HECW2: variants seen among roughly 807,000 people sequenced by gnomAD.
The protein encoded by HECW2 is HECT, C2 and WW domain containing E3 ubiquitin protein ligase 2.
A neutral mutation model predicts 175.2 loss-of-function variants in HECW2; 61 were observed. That is an observed-to-expected ratio of 0.35 (90% CI 0.28 to 0.43). HECW2 has a LOEUF of 0.43. Ranked by LOEUF, HECW2 falls within the 20% of genes least tolerant of loss-of-function variation. HECW2 has a pLI of 1.00. For synonymous variants in HECW2, 671 were observed against 731.0 expected (o/e 0.92, Z 1.32); for missense variants, 1,524 against 2,000.5 (o/e 0.76, Z 4.54).
At chr2:196,434,239 A>G (rs1695805266) in intron 1 of HECW2, among the ~76,000 whole-genome samples, 1 of 152,208 alleles carries the variant, frequency 6.6e-6, no homozygotes, top group Non-Finnish European at 1.5e-5. Context: ...TATTTGTTAA[A>G]TAACAGATGC....
chr2:196,391,424 T>C (rs1559083549), intron 2 of HECW2, among the ~76,000 whole-genome samples: 1 of 152,184 alleles, frequency 6.6e-6, no homozygotes, highest in African/African-American at 2.4e-5. Flanking sequence ...CTGACTGACA[T>C]AACAATCAAT....
At chr2:196,420,053 G>T (rs1434866615) in intron 2 of HECW2, among the ~76,000 whole-genome samples, 1 of 152,142 alleles carries the variant, frequency 6.6e-6, no homozygotes, top group Non-Finnish European at 1.5e-5. Context: ...TTTGATGAAG[G>T]AAGAGAAATA....
intron 1 of HECW2, among the ~76,000 whole-genome samples, chr2:196,579,799 A>G (rs1244324502): frequency 2.0e-5 from 3 of 152,124 alleles, no homozygotes; most frequent in Non-Finnish European, 1.5e-5. Context: ...ACATACATGC[A>G]CAGAGGAAAG....
chr2:196,385,740 A>G (rs186919622), intron 2 of HECW2, among the ~76,000 whole-genome samples: 63 of 152,358 alleles, frequency 4.1e-4, no homozygotes, highest in African/African-American at 1.4e-3. Flanking sequence ...TTCAAACTGT[A>G]AAGTGCAATA....
chr2:196,338,191 A>C (rs1439866735), intron 3 of HECW2, among the ~76,000 whole-genome samples: 1 of 152,146 alleles, frequency 6.6e-6, no homozygotes, highest in Admixed American at 6.5e-5. Flanking sequence ...TAGGAACTTA[A>C]ACCTGTTCTC....
At chr2:196,453,114 A>G (rs1696398378) in intron 1 of HECW2, among the ~76,000 whole-genome samples, 2 of 152,208 alleles carry the variant, frequency 1.3e-5, no homozygotes, top group South Asian at 2.1e-4. Context: ...AGACCATGTA[A>G]GCAAATTAAT....
intron 2 of HECW2, among the ~76,000 whole-genome samples, chr2:196,409,006 T>C (rs1695036021): frequency 6.6e-6 from 1 of 152,210 alleles, no homozygotes. Flanking sequence ...TGTTAACTTT[T>C]TCAGGAAACT....
intron 4 of HECW2, chr2:196,331,262 A>C: frequency 2.0e-6 from 2 of 984,894 alleles, no homozygotes; most frequent in Non-Finnish European, 2.4e-6. Flanking sequence ...GGTTTATTAT[A>C]TTGTATTGTA....
intron 17 of HECW2, among the ~76,000 whole-genome samples, chr2:196,259,165 GGT>G (rs1285818812): frequency 1.3e-5 from 2 of 152,100 alleles, no homozygotes; most frequent in Admixed American, 1.3e-4. Context: ...GTGGAGATGG[GGT>G]TTTGCCATGT....
chr2:196,359,826 G>C (rs1393448053), intron 2 of HECW2, among the ~76,000 whole-genome samples: 1 of 152,182 alleles, frequency 6.6e-6, no homozygotes, highest in South Asian at 2.1e-4. Context: ...GGAATGGCTG[G>C]GGGCAGTGGC....
At chr2:196,384,684 T>C (rs1411668899) in intron 2 of HECW2, among the ~76,000 whole-genome samples, 1 of 152,212 alleles carries the variant, frequency 6.6e-6, no homozygotes, top group Non-Finnish European at 1.5e-5. Flanking sequence ...AAAACACTTA[T>C]TGCCCCTCCC....
chr2:196,477,304 TATTCA>T (rs1415566537), intron 1 of HECW2, among the ~76,000 whole-genome samples: 4 of 152,268 alleles, frequency 2.6e-5, no homozygotes, highest in Admixed American at 1.3e-4. Context: ...AAATTTGGTC[TATTCA>T]ATTCATCAAA....
intron 15 of HECW2, among the ~76,000 whole-genome samples, chr2:196,278,253 T>C (rs1428085817): frequency 4.8e-5 from 7 of 145,724 alleles, no homozygotes; most frequent in Non-Finnish European, 1.1e-4. Flanking sequence ...AACATTTTAG[T>C]ACATTATCAA....
chr2:196,318,950 T>C lies in HECW2; in HGVS notation c.1940A>G (p.Glu647Gly). The C allele has an allele frequency of 6.2e-7, 1 of 1,610,116 alleles. No homozygotes were observed. Among genetic ancestry groups the C allele is most frequent in the South Asian group, 1.1e-5 (1 of 90,236 alleles). ...DLECADSSCN[E>G]SVTTQLSSVD... ...AGAGGACAGCTGCGTGGTCACACTC[T>C]CATTGCAGGAGCTGTCAGCGCATTC... The change falls in exon 9 of 29, where the codon GAG (glutamate) becomes GGG (glycine). Residue 647 changes from glutamate (E) to glycine (G), a missense_variant. Around this residue, in one of 11 missense-constraint regions of HECW2, gnomAD observed 604 missense variants for 588.3 expected, o/e 1.03. Transcript: ENST00000644978.
intron 3 of HECW2, among the ~76,000 whole-genome samples, chr2:196,338,894 C>T (rs1002608898): frequency 6.6e-6 from 1 of 152,178 alleles, no homozygotes; most frequent in Non-Finnish European, 1.5e-5. Context: ...ACTCTTCATG[C>T]TTTTGAGGAA....
At chr2:196,530,329 A>C (rs908011459) in intron 1 of HECW2, among the ~76,000 whole-genome samples, 1 of 152,212 alleles carries the variant, frequency 6.6e-6, no homozygotes, top group African/African-American at 2.4e-5. Flanking sequence ...AGGCCTGGAC[A>C]GTAATAGATT....
rs1252686276 is a variant in HECW2, at chr2:196,228,202, G to A, written c.3817C>T (p.Leu1273Phe). 1 of 1,613,450 alleles carries A rather than the reference G, an allele frequency of 6.2e-7. No homozygotes were observed. The highest frequency in any genetic ancestry group is 2.2e-5 in the East Asian group (1 of 44,800). Residue 1273 changes from leucine (L) to phenylalanine (F), a missense_variant, in exon 22 of 29, where the codon CTC becomes TTC. Leu to Phe is a conservative substitution (Grantham distance 22). This residue lies in a region of HECW2 where 7 missense variants were observed against 45.9 expected (regional missense o/e 0.15). Coordinates refer to ENST00000644978, the MANE Select transcript of HECW2 (RefSeq NM_001348768.2). ...AATAAGCCATAATATGGGTTAAAGAGTTCTCTGGATACCAGGAAGAAAAAC... is the reference window on the plus strand; with the variant it reads ...AATAAGCCATAATATGGGTTAAAGAATTCTCTGGATACCAGGAAGAAAAAC... ...REFFFLVSRE[L>F]FNPYYGLFEY...
intron 17 of HECW2, chr2:196,263,418 G>T (rs1689387278): frequency 6.6e-6 from 1 of 152,216 alleles, no homozygotes; most frequent in African/African-American, 2.4e-5. Context: ...GAGACAACCA[G>T]AAGCAGCAAT....
chr2:196,462,151 T>C (rs556378689), intron 1 of HECW2, among the ~76,000 whole-genome samples: 2 of 152,092 alleles, frequency 1.3e-5, no homozygotes, highest in African/African-American at 4.8e-5. Flanking sequence ...GGCAAAAATT[T>C]TATAAAGGCA....
Sources: gnomAD v4.1 joint callset for allele counts (sites outside exome capture counted in the v4.1 genomes callset) on GRCh38, gnomAD v4.1.1 for gene constraint, gnomAD v4.1.1 regional missense constraint, MANE v1.5 for transcripts, NCBI Gene and HGNC (gene_info 2026-07-23, HGNC 2026-07-21) for gene names.